Variants in HDAC9 observed in about 807,000 individuals in gnomAD.
HDAC9 encodes the protein histone deacetylase 9.
In HDAC9, 41 loss-of-function variants were observed where a neutral mutation model predicts 139.4. That is an observed-to-expected ratio of 0.29 (90% CI 0.23 to 0.38). The LOEUF is 0.38. Ranked by LOEUF, HDAC9 falls within the 10% of genes least tolerant of loss-of-function variation. The pLI, the probability that HDAC9 is intolerant of heterozygous loss-of-function variation, is 1.00. For synonymous variants in HDAC9, 517 were observed against 476.2 expected (o/e 1.09, Z -1.12); for missense variants, 1,147 against 1,297.0 (o/e 0.88, Z 1.78).
At chr7:18,230,358 T>A (rs1008782262) in intron 2 of HDAC9, among the ~76,000 whole-genome samples, 2 of 152,216 alleles carry the variant, frequency 1.3e-5, no homozygotes, top group Non-Finnish European at 2.9e-5. Context: ...TCTTCTAAGC[T>A]TGGGGCACAT....
chr7:18,825,898 T>C (rs577261108), intron 17 of HDAC9, among the ~76,000 whole-genome samples: 1 of 148,390 alleles, frequency 6.7e-6, no homozygotes, highest in South Asian at 2.1e-4. Flanking sequence ...ATATATATAA[T>C]GTTATATTTA....
At chr7:18,113,941 T>C (rs1005505685) in intron 1 of HDAC9, among the ~76,000 whole-genome samples, 19 of 152,248 alleles carry the variant, frequency 1.2e-4, no homozygotes, top group African/African-American at 4.3e-4. Flanking sequence ...ACATATGTAA[T>C]CTGCCCTTAG....
chr7:18,664,337 A>T (rs1372609399), intron 11 of HDAC9, among the ~76,000 whole-genome samples: 1 of 152,084 alleles, frequency 6.6e-6, no homozygotes, highest in East Asian at 1.9e-4. Context: ...TTGTGATATG[A>T]GTTTTGATTG....
chr7:18,775,121 T>C (rs1030191910), intron 16 of HDAC9, among the ~76,000 whole-genome samples: 1 of 152,072 alleles, frequency 6.6e-6, no homozygotes, highest in Admixed American at 6.6e-5. Flanking sequence ...ATTTATCAAT[T>C]AAGTTCACTG....
At chr7:18,353,802 A>C (rs1783042964) in intron 1 of HDAC9, among the ~76,000 whole-genome samples, 1 of 152,188 alleles carries the variant, frequency 6.6e-6, no homozygotes, top group African/African-American at 2.4e-5. Context: ...AACTTTTTAA[A>C]ATCATGAACT....
Position 19,000,816 on chromosome 7 carries a change from G to A in HDAC9, c.*4754G>A, listed in dbSNP as rs866437552. 14 of 152,170 alleles carry A rather than the reference G, an allele frequency of 9.2e-5. No individual in the cohort carries two copies. Among genetic ancestry groups the A allele is most frequent in the South Asian group, 8.3e-4 (4 of 4,824 alleles). The allele number at this position is 152,170 out of a possible 1,614,324, so 9.4% of individuals were successfully genotyped here. On this transcript the variant is annotated 3_prime_UTR_variant, in exon 26 of 26. Transcript: ENST00000686413. ...TCTTTTTCTGCCTAACAATCTATAC[G>A]AAATTGCCAATATCTAAGCAATCAA...
chr7:18,560,438 CACTA>C (rs1430434521), intron 2 of HDAC9, among the ~76,000 whole-genome samples: 2 of 152,174 alleles, frequency 1.3e-5, no homozygotes, highest in Admixed American at 1.3e-4. Context: ...CCACCCTCAA[CACTA>C]ACCATTGTGC....
At chr7:18,726,231 G>A (rs1394113871) in intron 12 of HDAC9, among the ~76,000 whole-genome samples, 1 of 152,156 alleles carries the variant, frequency 6.6e-6, no homozygotes, top group Non-Finnish European at 1.5e-5. Context: ...ATACAGATTT[G>A]TTAGCTTTCT....
chr7:18,196,573 T>C (rs1052386628), intron 2 of HDAC9, among the ~76,000 whole-genome samples: 19 of 152,066 alleles, frequency 1.2e-4, no homozygotes, highest in African/African-American at 4.6e-4. Flanking sequence ...AAGAAAAAGG[T>C]CAGTAGGCCA....
chr7:18,190,278 C>A (rs1020001189), intron 2 of HDAC9, among the ~76,000 whole-genome samples: 2 of 151,992 alleles, frequency 1.3e-5, no homozygotes, highest in African/African-American at 4.8e-5. Flanking sequence ...TGTGATTGTC[C>A]AATTTTGGGC....
At chr7:18,556,416 A>G (rs1053866560) in intron 2 of HDAC9, among the ~76,000 whole-genome samples, 1 of 152,124 alleles carries the variant, frequency 6.6e-6, no homozygotes, top group Admixed American at 6.5e-5. Context: ...GAAATGTAGT[A>G]GGAAACAACA....
At chr7:18,944,374 C>A (rs1313697257) in intron 23 of HDAC9, among the ~76,000 whole-genome samples, 3 of 152,068 alleles carry the variant, frequency 2.0e-5, no homozygotes, top group African/African-American at 7.2e-5. Flanking sequence ...AAATTTGTGG[C>A]CTTGTACCTA....
At chr7:18,742,964 A>T (rs1036933768) in intron 13 of HDAC9, among the ~76,000 whole-genome samples, 2 of 152,198 alleles carry the variant, frequency 1.3e-5, no homozygotes, top group Non-Finnish European at 2.9e-5. Flanking sequence ...TTTGAAGAGA[A>T]CAAAACATTT....
At chr7:18,963,297 TAG>T (rs1466822657) in intron 24 of HDAC9, among the ~76,000 whole-genome samples, 2 of 152,180 alleles carry the variant, frequency 1.3e-5, no homozygotes, top group African/African-American at 4.8e-5. Context: ...ATGAATTTGA[TAG>T]ATACTAAAGA....
At position 18,584,140 on chromosome 7, in the gene HDAC9, C is replaced by CTTTTTTTT. The variant is rs3084518; in HGVS notation, c.23-1128_23-1121dup. On this transcript the variant is annotated intron_variant, in intron 2 of 25. Coordinates refer to ENST00000686413, the MANE Select transcript of HDAC9 (RefSeq NM_178425.4). ...AACTATTCCTTTAGAAAGCAGCATT[C>CTTTTTTTT]TTTTTTTTTTTTTTTTTTTTGAGAC... Among the ~76,000 whole-genome samples the CTTTTTTTT allele has an allele frequency of 5.0e-3, 535 of 107,650 alleles. 8 individuals are homozygous for CTTTTTTTT. The highest frequency in any genetic ancestry group is 6.2e-3 in the Non-Finnish European group (348 of 56,046). 70.6% of individuals were successfully genotyped at this position (107,650 alleles called of 152,430 possible). A position where few individuals can be genotyped will look rare whatever the true frequency, so the allele number is the denominator to read the frequency against.
chr7:18,897,529 G>A (rs1801316681), intron 22 of HDAC9, among the ~76,000 whole-genome samples: 1 of 151,804 alleles, frequency 6.6e-6, no homozygotes, highest in Non-Finnish European at 1.5e-5. Flanking sequence ...CTTCCTGTTT[G>A]CTCTGCTACC....
chr7:18,577,941 T>A lies in HDAC9; in HGVS notation c.23-7340T>A, dbSNP rs914148907. ...GAAAAAAAGGACTTGTTAAAAAAAA[T>A]TTAAAAACCTTGGCAGCTGTCCCCT... On this transcript the variant is annotated intron_variant, in intron 2 of 25. Coordinates refer to ENST00000686413, the MANE Select transcript of HDAC9 (RefSeq NM_178425.4). Among the ~76,000 whole-genome samples the A allele has an allele frequency of 4.5e-4, 68 of 151,966 alleles. 1 individual carries two copies. Among genetic ancestry groups the A allele is most frequent in the Non-Finnish European group, 4.7e-4 (32 of 67,990 alleles).
chr7:18,454,511 A>G (rs1315292872), intron 1 of HDAC9, among the ~76,000 whole-genome samples: 7 of 152,076 alleles, frequency 4.6e-5, no homozygotes, highest in Non-Finnish European at 8.8e-5. Context: ...AAACCCAAGT[A>G]CTTGGGTTTC....
chr7:18,646,039 A>G (rs867208864), intron 9 of HDAC9, among the ~76,000 whole-genome samples: 4 of 152,194 alleles, frequency 2.6e-5, no homozygotes, highest in Non-Finnish European at 5.9e-5. Context: ...AAAATTCCAC[A>G]TGAAACATTT....
Sources: allele counts gnomAD v4.1 joint callset (sites outside exome capture counted in the v4.1 genomes callset), GRCh38; gene constraint gnomAD v4.1.1; transcripts MANE v1.5; gene names NCBI Gene and HGNC (gene_info 2026-07-23, HGNC 2026-07-21).